The following ZNF804B variants were observed in gnomAD, a reference collection of about 807,000 sequenced individuals.
ZNF804B encodes zinc finger protein 804B.
ZNF804B carries 80 observed loss-of-function variants against 101.4 expected under a neutral mutation model. The observed-to-expected ratio is 0.79, with a 90% confidence interval of 0.66 to 0.95. ZNF804B has a LOEUF of 0.95. Among genes scored for constraint, ZNF804B ranks in the 40% least tolerant of loss-of-function variants. The probability of loss-of-function intolerance (pLI) is 0.00; values close to 1 mark genes in which losing one functional copy is unlikely to be tolerated. For synonymous variants in ZNF804B, 622 were observed against 558.8 expected, an observed-to-expected ratio of 1.11 and a Z score of -1.59; for missense variants, 1,673 against 1,561.9, an observed-to-expected ratio of 1.07 and a Z score of -1.20.
At chr7:88,770,211 C>G (rs1360094680) in intron 1 of ZNF804B, among the ~76,000 whole-genome samples, 1 of 152,058 alleles carries the variant, frequency 6.6e-6, no homozygotes, top group Non-Finnish European at 1.5e-5. Context: ...CCTACAAATC[C>G]AATATCTTAC....
intron 1 of ZNF804B, among the ~76,000 whole-genome samples, chr7:89,002,275 A>G (rs1584064666): frequency 6.6e-6 from 1 of 151,844 alleles, no homozygotes; most frequent in Non-Finnish European, 1.5e-5. Flanking sequence ...TGCTTAATTT[A>G]GTTAAGCTAG....
chr7:89,038,626 C>A (rs1438300495), intron 1 of ZNF804B, among the ~76,000 whole-genome samples: 1 of 152,028 alleles, frequency 6.6e-6, no homozygotes, highest in East Asian at 1.9e-4. Flanking sequence ...TCTCTTTACT[C>A]TATTGATTTG....
chr7:89,279,732 T>C (rs1790050690), intron 2 of ZNF804B, among the ~76,000 whole-genome samples: 1 of 152,124 alleles, frequency 6.6e-6, no homozygotes. Context: ...AGCTTTTTGA[T>C]GTGCTGCTGG....
Position 89,256,889 on chromosome 7 carries a change from G to A in ZNF804B, c.249+38594G>A, listed in dbSNP as rs141766127. On this transcript the variant is annotated intron_variant, in intron 2 of 3. Transcript: ENST00000333190. Reference sequence around the variant, plus strand: ...GGTGACATTCACTTTCATAACATCTGGTGGCGATTATTCAGGTGTGTTTAC... The same window carrying A: ...GGTGACATTCACTTTCATAACATCTAGTGGCGATTATTCAGGTGTGTTTAC... Among the ~76,000 whole-genome samples the A allele has an allele frequency of 9.8e-3, 1,486 of 152,182 alleles. 30 individuals carry two copies. The highest frequency in any genetic ancestry group is 0.034 in the African/African-American group (1,405 of 41,520).
chr7:88,846,142 G>A (rs1047337937), intron 1 of ZNF804B, among the ~76,000 whole-genome samples: 1 of 152,110 alleles, frequency 6.6e-6, no homozygotes, highest in Non-Finnish European at 1.5e-5. Context: ...ACTTAATAAT[G>A]CCATAACTCT....
chr7:89,007,788 A>T (rs1457057201), intron 1 of ZNF804B, among the ~76,000 whole-genome samples: 1 of 151,166 alleles, frequency 6.6e-6, no homozygotes, highest in East Asian at 1.9e-4. Context: ...TTAACTCATT[A>T]ATTAATAAGA....
At chr7:89,279,104 T>C (rs1790037092) in intron 2 of ZNF804B, among the ~76,000 whole-genome samples, 2 of 152,156 alleles carry the variant, frequency 1.3e-5, no homozygotes, top group Admixed American at 1.3e-4. Flanking sequence ...TTTTATTCTC[T>C]TTGAAGCAAT....
chr7:89,238,253 G>A (rs1194504558), intron 2 of ZNF804B, among the ~76,000 whole-genome samples: 1 of 152,050 alleles, frequency 6.6e-6, no homozygotes. Flanking sequence ...TGAGAAAACT[G>A]ATGTCTGATG....
At chr7:88,856,907 G>A (rs1270817199) in intron 1 of ZNF804B, among the ~76,000 whole-genome samples, 9 of 152,230 alleles carry the variant, frequency 5.9e-5, no homozygotes, top group South Asian at 2.1e-4. Context: ...GCTGGATTAC[G>A]TTTATTGATT....
chr7:89,018,677 C>A (rs972189751), intron 1 of ZNF804B, among the ~76,000 whole-genome samples: 36 of 152,080 alleles, frequency 2.4e-4, no homozygotes, highest in African/African-American at 8.4e-4. Context: ...ACTCAGTCTT[C>A]TTAGTATTGG....
At chr7:88,926,462 G>A (rs1792800024) in intron 1 of ZNF804B, among the ~76,000 whole-genome samples, 2 of 151,170 alleles carry the variant, frequency 1.3e-5, no homozygotes, top group African/African-American at 2.4e-5. Flanking sequence ...GGGCGTAGTG[G>A]TGCATGCCTG....
rs958172621 is a variant in ZNF804B, at chr7:89,149,857, T to C, written c.109-68298T>C. 3.3e-5 allele frequency among the ~76,000 whole-genome samples: 5 copies of C among 151,832 alleles called. No homozygotes were observed. The Admixed American group carries it at 3.3e-4, about 10-fold the overall frequency. Reference sequence around the variant, plus strand: ...CTGATATTTGCCCAGTAGGTACTTATTTCACATATTCACTGTTGACAGTTG... The same window carrying C: ...CTGATATTTGCCCAGTAGGTACTTACTTCACATATTCACTGTTGACAGTTG... On this transcript the variant is annotated intron_variant, in intron 1 of 3. Transcript: ENST00000333190.
At chr7:88,836,519 TA>T (rs1426379959) in intron 1 of ZNF804B, among the ~76,000 whole-genome samples, 2 of 152,030 alleles carry the variant, frequency 1.3e-5, no homozygotes, top group African/African-American at 4.8e-5. Context: ...TTAAATTAAG[TA>T]AAATTATTAT....
chr7:88,952,474 G>A (rs1474951819), intron 1 of ZNF804B, among the ~76,000 whole-genome samples: 1 of 149,460 alleles, frequency 6.7e-6, no homozygotes, highest in Non-Finnish European at 1.5e-5. Flanking sequence ...AATTTGATTT[G>A]TGTTATTTTT....
At chr7:89,050,395 G>A (rs898021576) in intron 1 of ZNF804B, among the ~76,000 whole-genome samples, 8 of 152,036 alleles carry the variant, frequency 5.3e-5, no homozygotes, top group Non-Finnish European at 1.0e-4. Flanking sequence ...TAATAAAGTC[G>A]TACCATTTTC....
chr7:88,923,022 A>G (rs1792744620), intron 1 of ZNF804B, among the ~76,000 whole-genome samples: 1 of 152,112 alleles, frequency 6.6e-6, no homozygotes. Flanking sequence ...AGCCCTATAT[A>G]TTCCATATTT....
In ZNF804B at chr7:88,805,963, CTT is replaced by C. The variant is rs35873026; in HGVS notation, c.108+45892_108+45893del. On this transcript the variant is annotated intron_variant, in intron 1 of 3. Transcript: ENST00000333190. ...CTGAAATATAGATAATAGCTTTGTG[CTT>C]TTTTTTTTTTTTCCTAACTCAGGAA... 6.0e-3 allele frequency among the ~76,000 whole-genome samples: 870 copies of C among 144,120 alleles called. 8 individuals are homozygous for C. The highest frequency in any genetic ancestry group is 0.019 in the African/African-American group (739 of 39,444). The allele number at this position is 144,120 out of a possible 152,430, so 94.5% of individuals were successfully genotyped here. A position where few individuals can be genotyped will look rare whatever the true frequency, so the allele number is the denominator to read the frequency against.
intron 1 of ZNF804B, among the ~76,000 whole-genome samples, chr7:88,961,747 C>A (rs1476272356): frequency 6.6e-6 from 1 of 151,154 alleles, no homozygotes; most frequent in South Asian, 2.1e-4. Flanking sequence ...AACTATATCA[C>A]CAAAAGCAAA....
chr7:89,034,752 TTGGGTGTATACCCAGTAA>T (rs1273258737), intron 1 of ZNF804B, among the ~76,000 whole-genome samples: 2 of 152,312 alleles, frequency 1.3e-5, no homozygotes, highest in East Asian at 3.9e-4. Flanking sequence ...TTATAATCCT[TTGGGTGTATACCCAGTAA>T]TGGGATTGCT....
Sources: allele counts gnomAD v4.1 joint callset (sites outside exome capture counted in the v4.1 genomes callset), GRCh38; gene constraint gnomAD v4.1.1; transcripts MANE v1.5; gene names NCBI Gene and HGNC (gene_info 2026-07-23, HGNC 2026-07-21).